Variants in GPR17 observed in about 807,000 individuals in gnomAD.
The protein encoded by GPR17 is G protein-coupled receptor 17.
In GPR17, 4 loss-of-function variants were observed where a neutral mutation model predicts 1.5. The ratio of observed to expected loss-of-function variants is 2.73; its 90% CI spans 1.35 to 6.25. GPR17 has a LOEUF of 6.25. Ranked by LOEUF, GPR17 falls within the 30% of genes most tolerant of loss-of-function variation. GPR17 has a pLI of 0.00. For missense variants in GPR17, 463 were observed against 462.1 expected (o/e 1.00, Z -0.02); for synonymous variants, 209 against 207.6 (o/e 1.01, Z -0.06).
chr2:127,650,124 G>A (rs1243990201), intron 1 of GPR17: 1 of 1,517,992 alleles, frequency 6.6e-7, no homozygotes, highest in South Asian at 1.2e-5. Flanking sequence ...AGCCCTTGCT[G>A]CCATCCTGGG....
intron 1 of GPR17, chr2:127,648,249 A>G (rs1683214406): frequency 1.0e-6 from 1 of 958,976 alleles, no homozygotes; most frequent in Non-Finnish European, 1.2e-6. Context: ...AACTTCAGGC[A>G]TCTTGAAACA....
Position 127,647,939 on chromosome 2 carries a change from T to C in GPR17, c.-21+1695T>C. 1.2e-6 allele frequency: 1 copy of C among 840,976 alleles called. No individual in the cohort carries two copies. The highest frequency in any genetic ancestry group is 1.4e-6 in the Non-Finnish European group (1 of 697,846). 52.1% of individuals were successfully genotyped at this position (840,976 alleles called of 1,614,324 possible). Reference sequence around the variant, plus strand: ...CAGGCCCTGTCAAGGGCTGTGTTCCTCCCTCCTTTTACCTCTCCTCCACAG... The same window carrying C: ...CAGGCCCTGTCAAGGGCTGTGTTCCCCCCTCCTTTTACCTCTCCTCCACAG... On this transcript the variant is annotated intron_variant, in intron 1 of 1. Transcript: ENST00000486700. This position sits in a 1 kb window ranked among gnomAD's most constrained non-coding sequence, Gnocchi z 4.3.
intron 1 of GPR17, 171 bp from the exon 2 acceptor site, chr2:127,650,545 C>T (rs964981480): frequency 1.7e-5 from 10 of 597,580 alleles, no homozygotes; most frequent in East Asian, 2.8e-5. Context: ...ATGCCTCTGA[C>T]GCTCACGCAC....
In GPR17 at chr2:127,651,845, A is replaced by G. The variant is rs13021001; in HGVS notation, c.*90A>G. The G allele has an allele frequency of 0.13, 158,612 of 1,232,696 alleles. 11,414 individuals are homozygous for G. Among genetic ancestry groups the G allele is most frequent in the South Asian group, 0.23 (16,451 of 70,468 alleles). 76.4% of individuals were successfully genotyped at this position (1,232,696 alleles called of 1,614,324 possible). On this transcript the variant is annotated 3_prime_UTR_variant, in exon 2 of 2. Coordinates refer to ENST00000486700, the MANE Select transcript of GPR17 (RefSeq NM_001161417.2). ...CTGCCCTTTCCCCAGCCACCTCCCC[A>G]GCAAGCAACCTGAAATCTCAGCAGA...
chr2:127,650,561 A>T lies in GPR17; in HGVS notation c.-20-155A>T, dbSNP rs74333260. 2,249 of 611,414 alleles carry T rather than the reference A, an allele frequency of 3.7e-3. 36 individuals are homozygous for T. The highest frequency in any genetic ancestry group is 0.036 in the African/African-American group (1,971 of 54,414). 37.9% of individuals were successfully genotyped at this position (611,414 alleles called of 1,614,324 possible). ...TGCCTCTGACGCTCACGCACACCAA[A>T]TGGACAAGGAGGTCCCCTCAGCAGC... is the stretch of plus-strand genomic sequence containing the variant. On this transcript the variant is annotated intron_variant, in intron 1 of 1. Transcript: ENST00000486700.
intron 1 of GPR17, chr2:127,650,048 C>T (rs746854330): frequency 5.0e-6 from 8 of 1,608,164 alleles, no homozygotes; most frequent in East Asian, 2.2e-5. Context: ...ATCCAGAAAG[C>T]CCCCAAGAGA....
At chr2:127,650,629 C>T in intron 1 of GPR17, 87 bp from the exon 2 acceptor site, 4 of 891,484 alleles carry the variant, frequency 4.5e-6, no homozygotes, top group South Asian at 1.6e-5. Flanking sequence ...GTTCTGAAGG[C>T]ATTGGAGGCC....
intron 1 of GPR17, chr2:127,650,362 C>T (rs560790365): frequency 1.3e-5 from 7 of 537,866 alleles, no homozygotes; most frequent in South Asian, 9.4e-5. Context: ...AGAGGCAGAA[C>T]AGAAAACCCA....
In GPR17 at chr2:127,647,878, C is replaced by T. The variant is rs953001137; in HGVS notation, c.-21+1634C>T. Among the ~76,000 whole-genome samples, 4 of 152,096 alleles carry T rather than the reference C, an allele frequency of 2.6e-5. No homozygotes were observed. Among genetic ancestry groups the T allele is most frequent in the Admixed American group, 6.5e-5 (1 of 15,272 alleles). On this transcript the variant is annotated intron_variant, in intron 1 of 1. Transcript: ENST00000486700. The surrounding 1 kb of genome is among the most constrained non-coding windows in gnomAD (Gnocchi z 4.3). Reference sequence around the variant, plus strand: ...ATGGGCCCCCCTCCCCTGCCACCGTCCCACCGGTACCTGCTCCCTGTTCTC... The same window carrying T: ...ATGGGCCCCCCTCCCCTGCCACCGTTCCACCGGTACCTGCTCCCTGTTCTC...
chr2:127,646,433 C>T (rs1322143412), intron 1 of GPR17, 189 bp downstream of exon 1: 1 of 152,384 alleles, frequency 6.6e-6, no homozygotes, highest in East Asian at 1.9e-4. Context: ...GGTGTTTCGT[C>T]CCTCTGATGG....
chr2:127,650,196 C>CT, intron 1 of GPR17: 8 of 856,792 alleles, frequency 9.3e-6, no homozygotes, highest in Non-Finnish European at 1.5e-5. Context: ...GGTGACACCC[C>CT]GGCCACTGCA....
At position 127,647,757 on chromosome 2, in the gene GPR17, G is replaced by A. The variant is rs1421363101; in HGVS notation, c.-21+1513G>A. Among the ~76,000 whole-genome samples, 11 of 152,018 alleles carry A rather than the reference G, an allele frequency of 7.2e-5. No individual in the cohort carries two copies. The highest frequency in any genetic ancestry group is 1.5e-4 in the Non-Finnish European group (10 of 68,000). On this transcript the variant is annotated intron_variant, in intron 1 of 1. Coordinates refer to ENST00000486700, the MANE Select transcript of GPR17 (RefSeq NM_001161417.2). This position sits in a 1 kb window ranked among gnomAD's most constrained non-coding sequence, Gnocchi z 4.3. ...GTGCCCCTCCCATCTACCATGGGCT[G>A]TCCTCTCTGCTTGCCCATGCGTCTG...
rs1683151809 is a variant in GPR17, at chr2:127,647,727, C to A, written c.-21+1483C>A. ...CTCCTGCCAACCTGAAAACAGCACA[C>A]CTGTGTGCCCCTCCCATCTACCATG... On this transcript the variant is annotated intron_variant, in intron 1 of 1. Transcript: ENST00000486700. This position sits in a 1 kb window ranked among gnomAD's most constrained non-coding sequence, Gnocchi z 4.3. Among the ~76,000 whole-genome samples the A allele has an allele frequency of 6.6e-6, 1 of 152,098 alleles. No homozygotes were observed. The highest frequency in any genetic ancestry group is 6.5e-5 in the Admixed American group (1 of 15,284).
In GPR17 at chr2:127,652,011, G is replaced by T. The variant is rs1038698541; in HGVS notation, c.*256G>T. The stretch of plus-strand genomic sequence containing the variant: ...CACTCAACGACTTCATCTGTGGCAG[G>T]GAGAGAGGAGGCCGGAAGAACAACC... On this transcript the variant is annotated 3_prime_UTR_variant, in exon 2 of 2. Transcript: ENST00000486700. The T allele has an allele frequency of 1.9e-6, 1 of 539,172 alleles. No individual in the cohort carries two copies. Among genetic ancestry groups the T allele is most frequent in the Admixed American group, 3.4e-5 (1 of 29,716 alleles). The allele number at this position is 539,172 out of a possible 1,614,324, so 33.4% of individuals were successfully genotyped here.
rs1173203504 is a variant in GPR17, at chr2:127,647,505, G to A, written c.-21+1261G>A. ...ACCATGCCAGGCAGAGTGGTCAGTC[G>A]TACCTATGAGCTGCTCTCTCGTGGG... On this transcript the variant is annotated intron_variant, in intron 1 of 1. Coordinates refer to ENST00000486700, the MANE Select transcript of GPR17 (RefSeq NM_001161417.2). The surrounding 1 kb of genome is among the most constrained non-coding windows in gnomAD (Gnocchi z 4.3). 3.3e-5 allele frequency among the ~76,000 whole-genome samples: 5 copies of A among 152,118 alleles called. No homozygotes were observed. Among genetic ancestry groups the A allele is most frequent in the South Asian group, 2.1e-4 (1 of 4,828 alleles).
In GPR17 at chr2:127,650,914, A is replaced by T. The variant is rs145089218; in HGVS notation, c.179A>T (p.His60Leu). 1.9e-4 allele frequency: 308 copies of T among 1,613,884 alleles called. No homozygotes were observed. Among genetic ancestry groups the T allele is most frequent in the Non-Finnish European group, 2.5e-4 (295 of 1,180,038 alleles). Residue 60 changes from histidine to leucine, a missense_variant, in exon 2 of 2, where the codon CAC (histidine) becomes CTC (leucine). By Grantham distance (99) the His-to-Leu change is moderately conservative. Coordinates refer to ENST00000486700, the MANE Select transcript of GPR17 (RefSeq NM_001161417.2). ...GCTCTGTGGCTTTTCATCCGAGACC[A>T]CAAGTCCGGGACCCCGGCCAACGTG... is the stretch of plus-strand genomic sequence containing the variant. The part of the protein sequence containing the change: ...TLALWLFIRD[H>L]KSGTPANVFL...
At chr2:127,648,367 G>A in intron 1 of GPR17, 1 of 202,630 alleles carries the variant, frequency 4.9e-6, no homozygotes, top group Non-Finnish European at 8.8e-6. Flanking sequence ...GGACATTGAT[G>A]GCCAGGTGCT....
At position 127,651,116 on chromosome 2, in the gene GPR17, C is replaced by T. The variant is rs772911552; in HGVS notation, c.381C>T (p.Ala127=). ...TCTACTTCCTCACCTGCATCAGCGC[C>T]GACCGTTTCCTGGCCATTGTGCACC... ...ASIYFLTCIS[A]DRFLAIVHPV... is the part of the protein sequence containing the mutation. The change falls in exon 2 of 2, where the codon GCC becomes GCT. Residue 127 remains alanine, a synonymous_variant. Transcript: ENST00000486700. 13 of 1,613,486 alleles carry T rather than the reference C, an allele frequency of 8.1e-6. No homozygotes were observed. The highest frequency in any genetic ancestry group is 3.3e-5 in the Admixed American group (2 of 60,024).
At position 127,652,386 on chromosome 2, in the gene GPR17, AGC is replaced by A. The variant is rs1683902351; in HGVS notation, c.*632_*633del. 1 of 168,220 alleles carries A rather than the reference AGC, an allele frequency of 5.9e-6. No individual in the cohort carries two copies. Among genetic ancestry groups the A allele is most frequent in the African/African-American group, 2.4e-5 (1 of 41,440 alleles). 10.4% of individuals were successfully genotyped at this position (168,220 alleles called of 1,614,324 possible). A position where few individuals can be genotyped will look rare whatever the true frequency, so the allele number is the denominator to read the frequency against. On this transcript the variant is annotated 3_prime_UTR_variant, in exon 2 of 2. Coordinates refer to ENST00000486700, the MANE Select transcript of GPR17 (RefSeq NM_001161417.2). Reference sequence around the variant, plus strand: ...CTCTCCTGCTGTAACCCCACGCACAAGCCTGCAACCCCCAGAGCTCTTTGACA... The same window carrying A: ...CTCTCCTGCTGTAACCCCACGCACAACTGCAACCCCCAGAGCTCTTTGACA...
Sources: gnomAD v4.1 joint callset for allele counts (sites outside exome capture counted in the v4.1 genomes callset) on GRCh38, gnomAD v4.1.1 for gene constraint, Gnocchi (gnomAD v3.1) non-coding constraint, MANE v1.5 for transcripts, NCBI Gene and HGNC (gene_info 2026-07-23, HGNC 2026-07-21) for gene names.